Variants in PPIL6 observed in about 807,000 individuals in gnomAD.
PPIL6 encodes probable inactive peptidyl-prolyl cis-trans isomerase-like 6.
Under a neutral mutation model 36.8 loss-of-function variants are expected in PPIL6, and 39 were observed. The observed-to-expected ratio is 1.06, with a 90% CI of 0.82 to 1.38. PPIL6 has a LOEUF of 1.38. PPIL6 is among the 40% of genes most tolerant of loss of function. PPIL6 has a pLI of 0.00. For synonymous variants in PPIL6, 123 were observed against 134.1 expected (o/e 0.92, Z 0.57); for missense variants, 368 against 379.1 (o/e 0.97, Z 0.24).
intron 3 of PPIL6, among the ~76,000 whole-genome samples, chr6:109,429,815 C>T (rs1774031653): frequency 6.6e-6 from 1 of 152,202 alleles, no homozygotes. Context: ...GTCCAGCTTT[C>T]CTGTCAATTG....
intron 7 of PPIL6, among the ~76,000 whole-genome samples, chr6:109,395,977 C>T (rs375054759): frequency 1.3e-4 from 20 of 151,916 alleles, no homozygotes; most frequent in Admixed American, 6.6e-4. Context: ...GGACTACAGG[C>T]GCCTGCCACC....
At chr6:109,427,830 AACAG>A (rs1318826701) in intron 3 of PPIL6, among the ~76,000 whole-genome samples, 1 of 152,194 alleles carries the variant, frequency 6.6e-6, no homozygotes, top group Non-Finnish European at 1.5e-5. Context: ...TGGGGAAGAA[AACAG>A]ACAGGGGATT....
intron 1 of PPIL6, among the ~76,000 whole-genome samples, chr6:109,437,970 G>C (rs543418501): frequency 8.3e-4 from 127 of 152,224 alleles, no homozygotes; most frequent in African/African-American, 2.8e-3. Context: ...GTTGTAGAAC[G>C]GACTATATCC....
chr6:109,415,391 G>A (rs766749856), intron 6 of PPIL6, among the ~76,000 whole-genome samples: 12 of 152,082 alleles, frequency 7.9e-5, no homozygotes, highest in Non-Finnish European at 1.6e-4. Flanking sequence ...CTCCTTCTAC[G>A]TCTTCTTCCT....
chr6:109,427,025 TTAAA>T (rs1191471517), intron 4 of PPIL6, 31 bp from the exon 5 acceptor site: 1 of 1,596,146 alleles, frequency 6.3e-7, no homozygotes, highest in South Asian at 1.1e-5. Context: ...GTTTCAAAGA[TTAAA>T]TATTTAACAC....
chr6:109,425,447 C>A (rs553056787), intron 5 of PPIL6, among the ~76,000 whole-genome samples: 1 of 152,216 alleles, frequency 6.6e-6, no homozygotes, highest in South Asian at 2.1e-4. Context: ...TAAAACGAAA[C>A]AAAAGAATAC....
chr6:109,439,184 GA>G (rs920686308), intron 1 of PPIL6, among the ~76,000 whole-genome samples: 2 of 151,822 alleles, frequency 1.3e-5, no homozygotes, highest in South Asian at 2.1e-4. Context: ...AAAAAAAAGA[GA>G]AAAAAAATCT....
At chr6:109,407,701 A>G (rs1772859717) in intron 6 of PPIL6, among the ~76,000 whole-genome samples, 1 of 152,232 alleles carries the variant, frequency 6.6e-6, no homozygotes, top group Admixed American at 6.5e-5. Context: ...CAAAATAACA[A>G]TACTAATAAT....
chr6:109,428,665 TCTAA>T (rs930564466), intron 3 of PPIL6, among the ~76,000 whole-genome samples: 7 of 151,910 alleles, frequency 4.6e-5, no homozygotes, highest in East Asian at 1.9e-4. Context: ...TTTATGTCAC[TCTAA>T]CTTTTTTTTA....
chr6:109,407,240 C>CTTTT (rs111574045), intron 6 of PPIL6, among the ~76,000 whole-genome samples: 3 of 144,752 alleles, frequency 2.1e-5, no homozygotes, highest in Non-Finnish European at 1.5e-5. Context: ...ATGGAATATT[C>CTTTT]TTTTTTTTTT....
intron 1 of PPIL6, among the ~76,000 whole-genome samples, chr6:109,439,943 C>A (rs1391864453): frequency 6.6e-6 from 1 of 152,156 alleles, no homozygotes; most frequent in African/African-American, 2.4e-5. Flanking sequence ...TTTTCCAAAG[C>A]ACTTGTGAAG....
In PPIL6 at chr6:109,406,217, A is replaced by ATT. The variant is rs397887454; in HGVS notation, c.689-6049_689-6048dup. ...AGGTGCATGCCACCACGCCCAGCTA[A>ATT]TTTTTTTTTTTTTTTTAAGAGATGG... On this transcript the variant is annotated intron_variant, in intron 6 of 7. Transcript: ENST00000521072. Among the ~76,000 whole-genome samples, 532 of 140,590 alleles carry ATT rather than the reference A, an allele frequency of 3.8e-3. 3 individuals are homozygous for ATT. The highest frequency in any genetic ancestry group is 0.011 in the African/African-American group (427 of 38,280). 92.2% of individuals were successfully genotyped at this position (140,590 alleles called of 152,430 possible). A position where few individuals can be genotyped will look rare whatever the true frequency, so the allele number is the denominator to read the frequency against.
chr6:109,421,542 T>G (rs936911149), intron 5 of PPIL6, among the ~76,000 whole-genome samples: 1 of 152,186 alleles, frequency 6.6e-6, no homozygotes, highest in South Asian at 2.1e-4. Context: ...GCTTCTAGAA[T>G]GCCCCTTCTC....
At chr6:109,407,405 A>C (rs1772845859) in intron 6 of PPIL6, among the ~76,000 whole-genome samples, 1 of 151,896 alleles carries the variant, frequency 6.6e-6, no homozygotes, top group African/African-American at 2.4e-5. Context: ...GCGCCTGGCT[A>C]ATTTTTTGTA....
chr6:109,421,419 A>G (rs1224662817), intron 5 of PPIL6, among the ~76,000 whole-genome samples: 1 of 152,202 alleles, frequency 6.6e-6, no homozygotes, highest in Admixed American at 6.5e-5. Flanking sequence ...TTATCTGTAC[A>G]AACAGGGATA....
intron 7 of PPIL6, among the ~76,000 whole-genome samples, chr6:109,396,271 T>C (rs1231401101): frequency 1.3e-5 from 2 of 152,174 alleles, no homozygotes; most frequent in African/African-American, 4.8e-5. Context: ...TCACTTCTGC[T>C]AAAGAGATTT....
At chr6:109,440,951 G>C, upstream of PPIL6, 5 of 625,630 alleles carry the variant, frequency 8.0e-6, no homozygotes, top group South Asian at 1.0e-4. Flanking sequence ...GGTTGCCGGG[G>C]GAACGCGGGA....
chr6:109,415,240 T>C (rs1447282450), intron 6 of PPIL6, among the ~76,000 whole-genome samples: 1 of 152,246 alleles, frequency 6.6e-6, no homozygotes, highest in Non-Finnish European at 1.5e-5. Context: ...CCATACAGTA[T>C]CAATCCTTAT....
intron 6 of PPIL6, among the ~76,000 whole-genome samples, chr6:109,401,026 ATTTTTT>A (rs749611966): frequency 2.6e-5 from 3 of 114,950 alleles, no homozygotes; most frequent in South Asian, 2.8e-4. Flanking sequence ...TGCCCGGCTA[ATTTTTT>A]TTTTTTTTTT....
Sources: gnomAD v4.1 joint callset for allele counts (sites outside exome capture counted in the v4.1 genomes callset) on GRCh38, gnomAD v4.1.1 for gene constraint, MANE v1.5 for transcripts, NCBI Gene and HGNC (gene_info 2026-07-23, HGNC 2026-07-21) for gene names.